PRKAA2: variants seen among roughly 807,000 people sequenced by gnomAD.
PRKAA2 encodes the protein protein kinase AMP-activated catalytic subunit alpha 2, also known as 5'-AMP-activated protein kinase catalytic subunit alpha-2.
A neutral mutation model predicts 56.3 loss-of-function variants in PRKAA2; 40 were observed. The observed-to-expected ratio is 0.71, with a 90% confidence interval of 0.55 to 0.92. The LOEUF is 0.92. Ranked by LOEUF, PRKAA2 falls within the 40% of genes least tolerant of loss-of-function variation. The pLI, the probability that PRKAA2 is intolerant of heterozygous loss-of-function variation, is 0.00. For missense variants in PRKAA2, 542 were observed against 686.9 expected (o/e 0.79, Z 2.36); for synonymous variants, 214 against 234.2 (o/e 0.91, Z 0.79).
At chr1:56,696,311 C>T in intron 6 of PRKAA2, 152 bp downstream of exon 6, 1 of 663,878 alleles carries the variant, frequency 1.5e-6, no homozygotes, top group African/African-American at 1.8e-5. Context: ...GTTTCTCAAA[C>T]CTAACATAGA....
intron 1 of PRKAA2, among the ~76,000 whole-genome samples, chr1:56,646,371 G>T (rs1434136728): frequency 6.6e-5 from 10 of 152,164 alleles, no homozygotes; most frequent in Admixed American, 6.5e-4. Context: ...GGCTGAGGAG[G>T]TCAGGACTGC....
intron 6 of PRKAA2, among the ~76,000 whole-genome samples, chr1:56,699,779 C>T (rs1644282197): frequency 6.6e-6 from 1 of 152,196 alleles, no homozygotes; most frequent in African/African-American, 2.4e-5. Context: ...CTCCTATCCC[C>T]TGGCAACCAC....
chr1:56,670,132 T>A (rs1389828934), intron 1 of PRKAA2, among the ~76,000 whole-genome samples: 2 of 152,204 alleles, frequency 1.3e-5, no homozygotes, highest in Non-Finnish European at 2.9e-5. Context: ...GGACTATAAA[T>A]TAAAATTTGT....
chr1:56,689,913 C>G (rs1476579001), intron 2 of PRKAA2, among the ~76,000 whole-genome samples: 7 of 150,918 alleles, frequency 4.6e-5, no homozygotes, highest in African/African-American at 7.3e-5. Flanking sequence ...CACACACACA[C>G]ACACACACAC....
intron 2 of PRKAA2, among the ~76,000 whole-genome samples, chr1:56,687,401 GA>G (rs1644199697): frequency 6.6e-6 from 1 of 152,094 alleles, no homozygotes; most frequent in South Asian, 2.1e-4. Context: ...TATGTAGAGA[GA>G]GGGGATACAC....
In PRKAA2 at chr1:56,706,106, C is replaced by T; in HGVS notation, c.1308C>T (p.Tyr436=). 6.2e-7 allele frequency: 1 copy of T among 1,609,648 alleles called. No homozygotes were observed. The highest frequency in any genetic ancestry group is 8.5e-7 in the Non-Finnish European group (1 of 1,176,396). Residue 436 remains tyrosine (Y), a synonymous_variant, in exon 8 of 9, where the codon TAC becomes TAT. Transcript: ENST00000371244. Reference sequence around the variant, plus strand: ...TTTCACTTTAGGTAGTGAATGCATACCATCTTCGTGTAAGAAGAAAAAATC... The same window carrying T: ...TTTCACTTTAGGTAGTGAATGCATATCATCTTCGTGTAAGAAGAAAAAATC... ...LDFEWKVVNA[Y]HLRVRRKNPV...
Position 56,709,646 on chromosome 1 carries a change from A to G in PRKAA2, c.*1933A>G, listed in dbSNP as rs1429906095. 1 of 152,138 alleles carries G rather than the reference A, an allele frequency of 6.6e-6. No homozygotes were observed. The highest frequency in any genetic ancestry group is 1.5e-5 in the Non-Finnish European group (1 of 67,988). The allele number at this position is 152,138 out of a possible 1,614,324, so 9.4% of individuals were successfully genotyped here. A position where few individuals can be genotyped will look rare whatever the true frequency, so the allele number is the denominator to read the frequency against. ...CCTCATAATATTTGCCTGATTATGA[A>G]TGGAATTACCTTAGAAATAAGGAAC... On this transcript the variant is annotated 3_prime_UTR_variant, in exon 9 of 9. Coordinates refer to ENST00000371244, the MANE Select transcript of PRKAA2 (RefSeq NM_006252.4).
chr1:56,650,707 T>A (rs1399126833), intron 1 of PRKAA2, among the ~76,000 whole-genome samples: 5 of 152,236 alleles, frequency 3.3e-5, no homozygotes, highest in African/African-American at 1.2e-4. Flanking sequence ...GAAATAAATA[T>A]TCTTCATTGG....
At chr1:56,678,631 A>T (rs1248280121) in intron 2 of PRKAA2, among the ~76,000 whole-genome samples, 1 of 151,750 alleles carries the variant, frequency 6.6e-6, no homozygotes, top group Non-Finnish European at 1.5e-5. Context: ...ATAATTCTTA[A>T]TGCAACTTGA....
intron 1 of PRKAA2, among the ~76,000 whole-genome samples, chr1:56,672,679 A>T (rs1387325621): frequency 6.6e-6 from 1 of 152,134 alleles, no homozygotes; most frequent in African/African-American, 2.4e-5. Flanking sequence ...CACCAAAAAG[A>T]GGTATGGTGT....
At chr1:56,649,476 G>A (rs1397981905) in intron 1 of PRKAA2, among the ~76,000 whole-genome samples, 2 of 152,152 alleles carry the variant, frequency 1.3e-5, no homozygotes, top group African/African-American at 4.8e-5. Context: ...GAGCCCAGGG[G>A]TTCAAGACCA....
intron 2 of PRKAA2, among the ~76,000 whole-genome samples, chr1:56,684,759 A>T (rs552403048): frequency 4.6e-5 from 7 of 152,238 alleles, no homozygotes; most frequent in Admixed American, 4.6e-4. Context: ...CCTGATGTAA[A>T]GGGTTTAAGA....
chr1:56,662,614 C>T (rs1644003760), intron 1 of PRKAA2, among the ~76,000 whole-genome samples: 1 of 152,090 alleles, frequency 6.6e-6, no homozygotes, highest in African/African-American at 2.4e-5. Context: ...TAAATGCCAT[C>T]AAGGTCAAGA....
Position 56,708,890 on chromosome 1 carries a change from A to G in PRKAA2, c.*1177A>G, listed in dbSNP as rs752069944. The G allele has an allele frequency of 6.6e-6, 1 of 152,114 alleles. No homozygotes were observed. Among genetic ancestry groups the G allele is most frequent in the Non-Finnish European group, 1.5e-5 (1 of 68,014 alleles). 9.4% of individuals were successfully genotyped at this position (152,114 alleles called of 1,614,324 possible). A position where few individuals can be genotyped will look rare whatever the true frequency, so the allele number is the denominator to read the frequency against. ...GAAAAAATTTTTATCTTAAATAAAT[A>G]AATATATATATTCACACACCAGTGC... is the stretch of plus-strand genomic sequence containing the variant. On this transcript the variant is annotated 3_prime_UTR_variant, in exon 9 of 9. Coordinates refer to ENST00000371244, the MANE Select transcript of PRKAA2 (RefSeq NM_006252.4).
At chr1:56,646,081 C>T (rs749503987) in intron 1 of PRKAA2, among the ~76,000 whole-genome samples, 16 of 152,108 alleles carry the variant, frequency 1.1e-4, no homozygotes, top group Non-Finnish European at 1.9e-4. Context: ...TCTAAGATGT[C>T]CTCCAATTCT....
chr1:56,652,677 G>C (rs887605991), intron 1 of PRKAA2, among the ~76,000 whole-genome samples: 3 of 152,194 alleles, frequency 2.0e-5, no homozygotes, highest in Non-Finnish European at 2.9e-5. Context: ...TTCTGGAATA[G>C]TTATGAAGAT....
rs1201844736 is a variant in PRKAA2, at chr1:56,704,255, A to G, written c.1073A>G (p.His358Arg). The G allele has an allele frequency of 1.9e-6, 3 of 1,614,138 alleles. No homozygotes were observed. Among genetic ancestry groups the G allele is most frequent in the South Asian group, 1.1e-5 (1 of 91,078 alleles). ...SGSFMDDSAM[H>R]IPPGLKPHPE... is the part of the protein sequence containing the mutation. ...TCTTTTATGGATGATAGTGCCATGC[A>G]TATTCCCCCAGGCCTGAAACCTCAT... The change falls in exon 7 of 9, where the codon CAT becomes CGT. Residue 358 changes from histidine to arginine, a missense_variant. Coordinates refer to ENST00000371244, the MANE Select transcript of PRKAA2 (RefSeq NM_006252.4).
chr1:56,694,232 T>C (rs2100426295), intron 5 of PRKAA2, among the ~76,000 whole-genome samples: 1 of 152,308 alleles, frequency 6.6e-6, no homozygotes, highest in East Asian at 1.9e-4. Flanking sequence ...AGCATTGTTT[T>C]ATATTTTGTG....
chr1:56,696,029 C>G lies in PRKAA2; in HGVS notation c.658C>G (p.Pro220Ala). 1 of 1,612,134 alleles carries G rather than the reference C, an allele frequency of 6.2e-7. No homozygotes were observed. Among genetic ancestry groups the G allele is most frequent in the Non-Finnish European group, 8.5e-7 (1 of 1,179,640 alleles). The change falls in exon 6 of 9, where the codon CCT becomes GCT. Residue 220 changes from proline (P) to alanine (A), a missense_variant. Physicochemically the swap from Pro to Ala is conservative, Grantham distance 27 (BLOSUM62 -1). Coordinates refer to ENST00000371244, the MANE Select transcript of PRKAA2 (RefSeq NM_006252.4). ...GTLPFDDEHV[P>A]TLFKKIRGGV... ...CCTCCCATTTGATGATGAGCATGTA[C>G]CTACGTTATTTAAGAAGATCCGAGG...
Sources: allele counts gnomAD v4.1 joint callset (sites outside exome capture counted in the v4.1 genomes callset), GRCh38; gene constraint gnomAD v4.1.1; transcripts MANE v1.5; gene names NCBI Gene and HGNC (gene_info 2026-07-23, HGNC 2026-07-21).